The following VWA8 variants were observed in gnomAD, a reference collection of about 807,000 sequenced individuals.
VWA8 encodes the protein von Willebrand factor A domain-containing protein 8.
VWA8 carries 221 observed loss-of-function variants against 241.5 expected under a neutral mutation model. The ratio of observed to expected loss-of-function variants is 0.91; its 90% CI spans 0.82 to 1.02. VWA8 has a LOEUF of 1.02. Ranked by LOEUF, VWA8 falls within the 50% of genes least tolerant of loss-of-function variation. The probability of loss-of-function intolerance (pLI) is 0.00; values close to 1 mark genes in which losing one functional copy is unlikely to be tolerated. For synonymous variants in VWA8, 852 were observed against 827.1 expected, an observed-to-expected ratio of 1.03 and a Z score of -0.52; for missense variants, 2,322 against 2,328.7, an observed-to-expected ratio of 1.00 and a Z score of 0.06.
chr13:41,810,327 A>G (rs1870411323), intron 17 of VWA8, among the ~76,000 whole-genome samples: 1 of 152,144 alleles, frequency 6.6e-6, no homozygotes, highest in Non-Finnish European at 1.5e-5. Context: ...CTGTGCTACC[A>G]TGTTTATTGA....
chr13:41,664,025 TG>T (rs1347570740), intron 37 of VWA8, among the ~76,000 whole-genome samples: 6 of 151,916 alleles, frequency 3.9e-5, no homozygotes, highest in African/African-American at 1.4e-4. Flanking sequence ...TTTGCCCAAC[TG>T]GGAATTACCT....
At chr13:41,772,410 T>C (rs2045830948) in intron 20 of VWA8, among the ~76,000 whole-genome samples, 2 of 151,986 alleles carry the variant, frequency 1.3e-5, no homozygotes, top group Admixed American at 6.6e-5. Context: ...GCCATCTCTC[T>C]TTTTGTTAAT....
chr13:41,734,485 T>C (rs1163679120), intron 21 of VWA8, among the ~76,000 whole-genome samples: 1 of 152,202 alleles, frequency 6.6e-6, no homozygotes, highest in Admixed American at 6.5e-5. Flanking sequence ...AATTGGAACT[T>C]ATGGTTGCAG....
At chr13:41,685,600 G>A (rs2045131215) in intron 34 of VWA8, among the ~76,000 whole-genome samples, 1 of 152,154 alleles carries the variant, frequency 6.6e-6, no homozygotes, top group South Asian at 2.1e-4. Context: ...TTTGGATGTG[G>A]TACAGGAAGG....
At chr13:41,730,153 GTAGT>G (rs1052845926) in intron 22 of VWA8, among the ~76,000 whole-genome samples, 2 of 152,064 alleles carry the variant, frequency 1.3e-5, no homozygotes, top group African/African-American at 2.4e-5. Context: ...TGGAGAAAAG[GTAGT>G]TACTCAAGAC....
chr13:41,847,270 T>C (rs868017340), intron 12 of VWA8, among the ~76,000 whole-genome samples: 1 of 151,754 alleles, frequency 6.6e-6, no homozygotes, highest in Non-Finnish European at 1.5e-5. Context: ...AATAAGAAAA[T>C]ACCACATAGT....
At chr13:41,764,612 A>G (rs1039576722) in intron 20 of VWA8, among the ~76,000 whole-genome samples, 2 of 152,148 alleles carry the variant, frequency 1.3e-5, no homozygotes, top group African/African-American at 4.8e-5. Context: ...GGAACTAAAG[A>G]GGTATAGGGA....
chr13:41,882,740 C>T (rs1874308760), intron 9 of VWA8, among the ~76,000 whole-genome samples: 1 of 150,836 alleles, frequency 6.6e-6, no homozygotes, highest in Admixed American at 6.6e-5. Flanking sequence ...TTGCAGTGAG[C>T]CGAGATGGCA....
intron 29 of VWA8, among the ~76,000 whole-genome samples, chr13:41,698,640 T>TC (rs2045229795): frequency 6.6e-6 from 1 of 152,168 alleles, no homozygotes; most frequent in Non-Finnish European, 1.5e-5. Context: ...ATCTCAGCAC[T>TC]CTTTTTAATA....
chr13:41,746,602 C>T (rs928334179), intron 21 of VWA8, among the ~76,000 whole-genome samples: 1 of 152,114 alleles, frequency 6.6e-6, no homozygotes, highest in Admixed American at 6.6e-5. Context: ...TATGAACTGT[C>T]CAGGTGACGG....
intron 4 of VWA8, among the ~76,000 whole-genome samples, chr13:41,895,293 G>T (rs1410071333): frequency 6.6e-6 from 1 of 152,064 alleles, no homozygotes; most frequent in Non-Finnish European, 1.5e-5. Context: ...TTTGAAAATT[G>T]CATGGCTAAA....
chr13:41,763,030 G>C (rs1346503292), intron 20 of VWA8, among the ~76,000 whole-genome samples: 1 of 152,012 alleles, frequency 6.6e-6, no homozygotes, highest in Non-Finnish European at 1.5e-5. Flanking sequence ...AGATTTGGGT[G>C]GCTTAAGTGG....
chr13:41,572,927 G>GCCGGCC (rs1162608326), intron 43 of VWA8, among the ~76,000 whole-genome samples: 6,144 of 150,268 alleles, frequency 0.041, 169 homozygotes, highest in African/African-American at 0.078. Flanking sequence ...GGCCGGCATG[G>GCCGGCC]TGGAACCCTG....
At chr13:41,735,464 C>T (rs975679427) in intron 21 of VWA8, among the ~76,000 whole-genome samples, 9 of 152,106 alleles carry the variant, frequency 5.9e-5, no homozygotes, top group Non-Finnish European at 8.8e-5. Flanking sequence ...AAAACAAGCA[C>T]AAATCAGATG....
chr13:41,662,851 G>T (rs2044960917), intron 37 of VWA8, among the ~76,000 whole-genome samples: 1 of 152,026 alleles, frequency 6.6e-6, no homozygotes, highest in Non-Finnish European at 1.5e-5. Flanking sequence ...ATTAAAATAT[G>T]GTGCCAGCTG....
intron 9 of VWA8, among the ~76,000 whole-genome samples, chr13:41,878,179 AATTT>A (rs1323699625): frequency 6.6e-6 from 1 of 152,038 alleles, no homozygotes; most frequent in Non-Finnish European, 1.5e-5. Context: ...ATACCTTCTT[AATTT>A]ACCATTATAA....
chr13:41,951,302 A>G (rs1229528562), intron 1 of VWA8, among the ~76,000 whole-genome samples: 2 of 152,156 alleles, frequency 1.3e-5, no homozygotes, highest in African/African-American at 4.8e-5. Flanking sequence ...CTGTAATCCC[A>G]GCTACTTGGG....
At chr13:41,923,160 T>C (rs1010998745) in intron 2 of VWA8, among the ~76,000 whole-genome samples, 3 of 152,110 alleles carry the variant, frequency 2.0e-5, no homozygotes, top group African/African-American at 7.2e-5. Context: ...CTGGAAACCA[T>C]CATTCTGAGC....
chr13:41,817,366 C>T (rs1870742540), intron 15 of VWA8, among the ~76,000 whole-genome samples: 1 of 152,030 alleles, frequency 6.6e-6, no homozygotes, highest in Non-Finnish European at 1.5e-5. Context: ...TTGCTTTTAA[C>T]TATAACAAAC....
Sources: allele counts gnomAD v4.1 joint callset (sites outside exome capture counted in the v4.1 genomes callset), GRCh38; gene constraint gnomAD v4.1.1; transcripts MANE v1.5; gene names NCBI Gene and HGNC (gene_info 2026-07-23, HGNC 2026-07-21).